CACNA1C: variants seen among roughly 807,000 people sequenced by gnomAD.
CACNA1C encodes the protein calcium voltage-gated channel subunit alpha1 C.
In CACNA1C, 30 loss-of-function variants were observed where a neutral mutation model predicts 229.0. The observed-to-expected ratio is 0.13, with a 90% CI of 0.10 to 0.18. The LOEUF is 0.18. Among genes scored for constraint, CACNA1C ranks in the 10% least tolerant of loss-of-function variants. The pLI is 1.00. For missense variants in CACNA1C, 1,658 were observed against 2,845.0 expected, an observed-to-expected ratio of 0.58 and a Z score of 9.49; for synonymous variants, 1,114 against 1,132.5, an observed-to-expected ratio of 0.98 and a Z score of 0.33.
intron 1 of CACNA1C, among the ~76,000 whole-genome samples, chr12:2,045,334 T>C (rs1342525799): frequency 1.3e-5 from 2 of 152,194 alleles, no homozygotes; most frequent in Non-Finnish European, 2.9e-5. Flanking sequence ...TCTAGCTCCA[T>C]TGAATACGTT....
chr12:2,171,056 C>T lies in CACNA1C; in HGVS notation c.477+50626C>T, dbSNP rs1266205101. On this transcript the variant is annotated intron_variant, in intron 3 of 46. Transcript: ENST00000399655. ...TTCCTTTACCGTGGATGGCTTTTCA[C>T]GTGTGGGGCTGGATTGCTGAGAACA... is the stretch of plus-strand genomic sequence containing the variant. 3.9e-5 allele frequency among the ~76,000 whole-genome samples: 6 copies of T among 152,212 alleles called. No individual in the cohort carries two copies. In the East Asian group the frequency reaches 5.8e-4, roughly 15 times the overall value.
intron 29 of CACNA1C, chr12:2,614,834 AT>A (rs1158773632): frequency 6.6e-6 from 1 of 152,192 alleles, no homozygotes; most frequent in African/African-American, 2.4e-5. Context: ...TCATTCTTTC[AT>A]TGTTTTCATG....
chr12:2,594,134 T>C (rs2066903381), intron 19 of CACNA1C, among the ~76,000 whole-genome samples: 1 of 152,262 alleles, frequency 6.6e-6, no homozygotes, highest in South Asian at 2.1e-4. Context: ...TCTGTTGCCT[T>C]TGTGGTTGTA....
chr12:1,972,458 A>G (rs1265081445), intron 1 of CACNA1C, among the ~76,000 whole-genome samples: 2 of 152,216 alleles, frequency 1.3e-5, no homozygotes, highest in Non-Finnish European at 1.5e-5. Context: ...CACAGCTACT[A>G]GGCATTTGAA....
chr12:2,276,533 G>A (rs896025955), intron 3 of CACNA1C, among the ~76,000 whole-genome samples: 3 of 152,186 alleles, frequency 2.0e-5, no homozygotes, highest in Admixed American at 1.3e-4. Flanking sequence ...ATTCTCCAGC[G>A]AGGTCCCTTA....
chr12:1,993,475 G>T, intron 1 of CACNA1C: 1 of 1,514,066 alleles, frequency 6.6e-7, no homozygotes, highest in Non-Finnish European at 8.9e-7. Flanking sequence ...ATTCTGATGT[G>T]TCTCTCAACC....
Position 2,053,035 on chromosome 12 carries a change from T to G in CACNA1C, c.-528T>G. ...GAAACAGCTCCTGCCAGAGCGGCGC[T>G]CGGCGCGGCGCGGCGGGCCCGGAGC... On this transcript the variant is annotated 5_prime_UTR_variant, in exon 1 of 47. Transcript: ENST00000399655. This position sits in a 1 kb window ranked among gnomAD's most constrained non-coding sequence, Gnocchi z 5.8. The G allele has an allele frequency of 1.0e-6, 1 of 983,830 alleles. No homozygotes were observed. The highest frequency in any genetic ancestry group is 1.2e-6 in the Non-Finnish European group (1 of 829,370). 60.9% of individuals were successfully genotyped at this position (983,830 alleles called of 1,614,324 possible).
rs1024294849 is a variant in CACNA1C at position 2,512,192 on chromosome 12, G to C, written c.1218-620G>C. On this transcript the variant is annotated intron_variant, in intron 8 of 46. Coordinates refer to ENST00000399655, the MANE Select transcript of CACNA1C (RefSeq NM_000719.7). This position sits in a 1 kb window ranked among gnomAD's most constrained non-coding sequence, Gnocchi z 4.3. ...ATTGGCTCTCTATGGGGAAAGCCCT[G>C]GTTTTCAGCATTTGCCAGTTACCAT... Among the ~76,000 whole-genome samples the C allele has an allele frequency of 4.6e-5, 7 of 152,116 alleles. No homozygotes were observed. Among genetic ancestry groups the C allele is most frequent in the African/African-American group, 1.7e-4 (7 of 41,428 alleles).
At chr12:2,228,541 A>T (rs1346946885) in intron 3 of CACNA1C, among the ~76,000 whole-genome samples, 1 of 152,206 alleles carries the variant, frequency 6.6e-6, no homozygotes. Context: ...TCTCCTAAGA[A>T]TCTGGTTGAC....
At position 2,454,871 on chromosome 12, in the gene CACNA1C, G is replaced by T. The variant is rs573081088; in HGVS notation, c.618-2696G>T. 2.0e-5 allele frequency among the ~76,000 whole-genome samples: 3 copies of T among 152,312 alleles called. No individual in the cohort carries two copies. In the East Asian group the frequency reaches 5.8e-4, roughly 29 times the overall value. On this transcript the variant is annotated intron_variant, in intron 4 of 46. Coordinates refer to ENST00000399655, the MANE Select transcript of CACNA1C (RefSeq NM_000719.7). ...TTCCCTTAGAAAGATGCAATCAGAA[G>T]AAACTTTCATGTATTCCCACAACCA... is the stretch of plus-strand genomic sequence containing the variant.
chr12:2,470,032 GACCTAATAATTTCTTTTTTA>G (rs1221751452), intron 5 of CACNA1C, among the ~76,000 whole-genome samples: 2 of 152,182 alleles, frequency 1.3e-5, no homozygotes, highest in Non-Finnish European at 2.9e-5. Flanking sequence ...GAATAGCAGT[GACCTAATAATTTCTTTTTTA>G]ACCACTAATT....
intron 30 of CACNA1C, among the ~76,000 whole-genome samples, chr12:2,640,089 C>T (rs766463487): frequency 6.6e-6 from 1 of 152,152 alleles, no homozygotes; most frequent in Non-Finnish European, 1.5e-5. Flanking sequence ...CTGATGAGCA[C>T]GGATCAGGCA....
chr12:2,143,165 G>A lies in CACNA1C; in HGVS notation c.477+22735G>A, dbSNP rs1025961459. On this transcript the variant is annotated intron_variant, in intron 3 of 46. Coordinates refer to ENST00000399655, the MANE Select transcript of CACNA1C (RefSeq NM_000719.7). ...TAAGTTTTGTATTTTTAGTAGAGAC[G>A]GGGTTTCACCATGTTGGCCAGGCTG... Among the ~76,000 whole-genome samples the A allele has an allele frequency of 2.9e-4, 44 of 150,902 alleles. 2 individuals are homozygous for A. The highest frequency in any genetic ancestry group is 9.0e-4 in the African/African-American group (37 of 41,298).
At chr12:2,435,958 A>G (rs2099130759) in intron 3 of CACNA1C, among the ~76,000 whole-genome samples, 2 of 152,206 alleles carry the variant, frequency 1.3e-5, no homozygotes, top group South Asian at 4.1e-4. Context: ...GGAGACCGAG[A>G]GGCTGGGCAA....
chr12:1,997,410 C>A (rs986770615), intron 1 of CACNA1C, among the ~76,000 whole-genome samples: 1 of 152,218 alleles, frequency 6.6e-6, no homozygotes, highest in Non-Finnish European at 1.5e-5. Context: ...ATCCCAGCTA[C>A]TCAGAAGGCT....
chr12:2,172,378 G>A (rs975997868), intron 3 of CACNA1C, among the ~76,000 whole-genome samples: 11 of 152,170 alleles, frequency 7.2e-5, no homozygotes, highest in Non-Finnish European at 4.4e-5. Flanking sequence ...GGAGCTCTTG[G>A]TCCTCTAATT....
intron 3 of CACNA1C, among the ~76,000 whole-genome samples, chr12:2,289,442 A>G (rs1473728227): frequency 6.6e-6 from 1 of 152,194 alleles, no homozygotes; most frequent in Non-Finnish European, 1.5e-5. Flanking sequence ...TTTCCTGTGG[A>G]AATCTACGGG....
At chr12:2,079,945 A>G (rs1405699488) in intron 1 of CACNA1C, among the ~76,000 whole-genome samples, 1 of 152,238 alleles carries the variant, frequency 6.6e-6, no homozygotes, top group Non-Finnish European at 1.5e-5. Context: ...AAGTCACAGG[A>G]CAATTTGAGG....
At chr12:2,407,114 C>T (rs1291856550) in intron 3 of CACNA1C, among the ~76,000 whole-genome samples, 2 of 152,208 alleles carry the variant, frequency 1.3e-5, no homozygotes, top group Admixed American at 1.3e-4. Flanking sequence ...TACTGCCTCA[C>T]CGACACCGCA....
Sources: gnomAD v4.1 joint callset for allele counts (sites outside exome capture counted in the v4.1 genomes callset) on GRCh38, gnomAD v4.1.1 for gene constraint, Gnocchi (gnomAD v3.1) non-coding constraint, MANE v1.5 for transcripts, NCBI Gene and HGNC (gene_info 2026-07-23, HGNC 2026-07-21) for gene names.